The following KLHL32 variants were observed in gnomAD, a reference collection of about 807,000 sequenced individuals.
The protein encoded by KLHL32 is kelch like family member 32, also known as kelch-like protein 32.
A neutral mutation model predicts 64.8 loss-of-function variants in KLHL32; 35 were observed. The observed-to-expected ratio is 0.54, with a 90% CI of 0.41 to 0.72. The LOEUF is 0.72. Ranked by LOEUF, KLHL32 falls within the 30% of genes least tolerant of loss-of-function variation. The probability of loss-of-function intolerance (pLI) is 0.00; values close to 1 mark genes in which losing one functional copy is unlikely to be tolerated. For missense variants in KLHL32, 589 were observed against 768.5 expected, an observed-to-expected ratio of 0.77 and a Z score of 2.76; for synonymous variants, 259 against 281.0, an observed-to-expected ratio of 0.92 and a Z score of 0.78.
intron 1 of KLHL32, among the ~76,000 whole-genome samples, chr6:96,936,125 CA>C (rs1206375533): frequency 6.6e-6 from 1 of 152,142 alleles, no homozygotes; most frequent in Non-Finnish European, 1.5e-5. Context: ...CCTTTATAGG[CA>C]GGCTAAGTCT....
In KLHL32 at chr6:97,130,539, G is replaced by A. The variant is rs113087204; in HGVS notation, c.1414-218G>A. Among the ~76,000 whole-genome samples, 396 of 152,252 alleles carry A rather than the reference G, an allele frequency of 2.6e-3. 3 individuals are homozygous for A. Among genetic ancestry groups the A allele is most frequent in the African/African-American group, 8.9e-3 (370 of 41,544 alleles). On this transcript the variant is annotated intron_variant, in intron 8 of 10. Transcript: ENST00000369261. ...TGCAACACAAACTAGAGGAGATGCC[G>A]TGTGTAAATCGCAAAAACAATTGGA... is the stretch of plus-strand genomic sequence containing the variant.
intron 6 of KLHL32, among the ~76,000 whole-genome samples, chr6:97,097,760 A>C (rs1338318711): frequency 2.0e-5 from 3 of 152,196 alleles, no homozygotes; most frequent in African/African-American, 7.2e-5. Flanking sequence ...CAATAGAGCA[A>C]ATGTTTCCAT....
intron 4 of KLHL32, among the ~76,000 whole-genome samples, chr6:97,063,591 C>T (rs1269200146): frequency 6.6e-6 from 1 of 152,140 alleles, no homozygotes; most frequent in Non-Finnish European, 1.5e-5. Flanking sequence ...GAGAAAGGAG[C>T]GTGCTGAAGT....
intron 4 of KLHL32, among the ~76,000 whole-genome samples, chr6:97,061,651 A>G (rs1023590520): frequency 1.3e-5 from 2 of 152,096 alleles, no homozygotes; most frequent in African/African-American, 4.8e-5. Flanking sequence ...TTTCTGAAAT[A>G]CCTAAATATA....
chr6:96,931,947 T>C (rs1484618909), intron 1 of KLHL32, among the ~76,000 whole-genome samples: 3 of 152,206 alleles, frequency 2.0e-5, no homozygotes, highest in Admixed American at 6.5e-5. Flanking sequence ...GCAATAGTTA[T>C]GGTTATTATT....
intron 3 of KLHL32, among the ~76,000 whole-genome samples, chr6:97,016,696 G>A (rs554356536): frequency 5.3e-4 from 81 of 152,268 alleles, no homozygotes; most frequent in African/African-American, 1.8e-3. Context: ...GTGTGAGGAC[G>A]AGATTTGGGA....
chr6:96,982,490 T>A (rs1253075900), intron 3 of KLHL32, among the ~76,000 whole-genome samples: 1 of 152,210 alleles, frequency 6.6e-6, no homozygotes, highest in Non-Finnish European at 1.5e-5. Flanking sequence ...ATTGGGTCTT[T>A]CCTTTATCAA....
chr6:97,030,147 A>T lies in KLHL32; in HGVS notation c.205-11345A>T, dbSNP rs770469463. Reference sequence around the variant, plus strand: ...AGTGGTTTTGCCTGTGTTCAGAGTAACTCCAAAGCTGCACATAGTTTGCCA... The same window carrying T: ...AGTGGTTTTGCCTGTGTTCAGAGTATCTCCAAAGCTGCACATAGTTTGCCA... On this transcript the variant is annotated intron_variant, in intron 3 of 10. Transcript: ENST00000369261. Among the ~76,000 whole-genome samples, 115 of 152,270 alleles carry T rather than the reference A, an allele frequency of 7.6e-4. 1 individual carries two copies. The highest frequency in any genetic ancestry group is 1.3e-3 in the Non-Finnish European group (89 of 68,008).
At chr6:97,095,514 T>G (rs951203335) in intron 6 of KLHL32, among the ~76,000 whole-genome samples, 2 of 152,190 alleles carry the variant, frequency 1.3e-5, no homozygotes, top group African/African-American at 4.8e-5. Flanking sequence ...TTGGCCTGCT[T>G]CTCGTCTTCA....
At chr6:97,134,371 A>C (rs1323872590) in intron 10 of KLHL32, among the ~76,000 whole-genome samples, 1 of 152,198 alleles carries the variant, frequency 6.6e-6, no homozygotes, top group Non-Finnish European at 1.5e-5. Context: ...CTTGGACTAG[A>C]GCTTCGTCCT....
chr6:97,022,525 A>G (rs894335360), intron 3 of KLHL32, among the ~76,000 whole-genome samples: 1 of 146,330 alleles, frequency 6.8e-6, no homozygotes, highest in Non-Finnish European at 1.5e-5. Flanking sequence ...GCTGGAGTGC[A>G]GTGGTGCGAT....
At chr6:96,921,604 C>T (rs1013985608), upstream of KLHL32, among the ~76,000 whole-genome samples, 1 of 152,172 alleles carries the variant, frequency 6.6e-6, no homozygotes, top group Non-Finnish European at 1.5e-5. Flanking sequence ...AATGTCACTA[C>T]TGGTTTGTGA....
At chr6:96,988,382 T>C (rs1436622681) in intron 3 of KLHL32, among the ~76,000 whole-genome samples, 1 of 152,072 alleles carries the variant, frequency 6.6e-6, no homozygotes. Context: ...ATCAGAGAAA[T>C]GCAAATCAAA....
At chr6:96,956,859 T>C (rs1773338661) in intron 1 of KLHL32, among the ~76,000 whole-genome samples, 1 of 152,238 alleles carries the variant, frequency 6.6e-6, no homozygotes, top group South Asian at 2.1e-4. Flanking sequence ...TTCTTGCAGA[T>C]GTAAGAAGCA....
At chr6:96,968,372 C>CA (rs1356174592) in intron 2 of KLHL32, among the ~76,000 whole-genome samples, 2 of 150,748 alleles carry the variant, frequency 1.3e-5, no homozygotes, top group Admixed American at 6.6e-5. Context: ...AAACAAAAAA[C>CA]AAAAAACAAA....
At chr6:97,093,135 AT>A (rs1167588909) in intron 6 of KLHL32, among the ~76,000 whole-genome samples, 2 of 149,482 alleles carry the variant, frequency 1.3e-5, no homozygotes, top group African/African-American at 5.0e-5. Context: ...TTACTTACGC[AT>A]TGGTGCCCTG....
intron 1 of KLHL32, among the ~76,000 whole-genome samples, chr6:96,959,158 T>A (rs1773610231): frequency 2.0e-5 from 3 of 152,138 alleles, no homozygotes; most frequent in African/African-American, 7.2e-5. Context: ...AAGAGGACAG[T>A]AGTGGAGAGG....
chr6:96,956,208 G>A (rs1255775865), intron 1 of KLHL32, among the ~76,000 whole-genome samples: 1 of 152,154 alleles, frequency 6.6e-6, no homozygotes, highest in Non-Finnish European at 1.5e-5. Context: ...ACCTCTCACT[G>A]GGTCCTTCCC....
At chr6:97,131,879 C>A (rs943503421) in intron 9 of KLHL32, among the ~76,000 whole-genome samples, 1 of 152,036 alleles carries the variant, frequency 6.6e-6, no homozygotes, top group Non-Finnish European at 1.5e-5. Context: ...CTTAGGCCCT[C>A]GATTCTGGAT....
Sources: allele counts gnomAD v4.1 joint callset (sites outside exome capture counted in the v4.1 genomes callset), GRCh38; gene constraint gnomAD v4.1.1; transcripts MANE v1.5; gene names NCBI Gene and HGNC (gene_info 2026-07-23, HGNC 2026-07-21).